The following CFAP53 variants were observed in gnomAD, a reference collection of about 807,000 sequenced individuals.
The protein encoded by CFAP53 is cilia- and flagella-associated protein 53.
CFAP53 carries 62 observed loss-of-function variants against 59.7 expected under a neutral mutation model. That is an observed-to-expected ratio of 1.04 (90% confidence interval 0.85 to 1.28). The LOEUF (loss-of-function observed/expected upper bound fraction) is 1.28. Among genes scored for constraint, CFAP53 ranks in the 50% most tolerant of loss-of-function variants. CFAP53 has a pLI of 0.00. For synonymous variants in CFAP53, 218 were observed against 205.7 expected (o/e 1.06, Z -0.51); for missense variants, 629 against 615.6 (o/e 1.02, Z -0.23).
intron 5 of CFAP53, among the ~76,000 whole-genome samples, chr18:50,249,374 T>C (rs2033776605): frequency 6.6e-6 from 1 of 151,568 alleles, no homozygotes; most frequent in South Asian, 2.1e-4. Flanking sequence ...GAAAACTAGC[T>C]GAGCATGGTG....
At chr18:50,239,360 T>C (rs932862412) in intron 6 of CFAP53, among the ~76,000 whole-genome samples, 10 of 151,564 alleles carry the variant, frequency 6.6e-5, no homozygotes, top group Admixed American at 2.6e-4. Flanking sequence ...TCTCAATAAA[T>C]AAATAAATAA....
chr18:50,229,010 C>T (rs1054141804), intron 7 of CFAP53, among the ~76,000 whole-genome samples: 1 of 151,988 alleles, frequency 6.6e-6, no homozygotes, highest in Non-Finnish European at 1.5e-5. Flanking sequence ...ATTTTCTGAG[C>T]CCAGAAGGTT....
intron 1 of CFAP53, among the ~76,000 whole-genome samples, chr18:50,262,486 T>A (rs189425469): frequency 6.6e-6 from 1 of 152,316 alleles, no homozygotes; most frequent in Admixed American, 6.5e-5. Flanking sequence ...AAGTTAAAAA[T>A]GTGAACAGGA....
chr18:50,241,675 G>GT (rs1172076146), intron 6 of CFAP53, among the ~76,000 whole-genome samples: 2 of 151,880 alleles, frequency 1.3e-5, no homozygotes, highest in Non-Finnish European at 2.9e-5. Flanking sequence ...AAACCAGCAA[G>GT]TTTTTTTTTA....
At chr18:50,243,727 G>A (rs948169904) in intron 5 of CFAP53, among the ~76,000 whole-genome samples, 3 of 152,068 alleles carry the variant, frequency 2.0e-5, no homozygotes, top group South Asian at 4.1e-4. Context: ...CGAGGCGGGT[G>A]GATCACGAGG....
chr18:50,248,771 C>A (rs1435496767), intron 5 of CFAP53, among the ~76,000 whole-genome samples: 1 of 121,814 alleles, frequency 8.2e-6, no homozygotes, highest in Non-Finnish European at 1.7e-5. Flanking sequence ...GGTGACAGAG[C>A]AAGACTCCGC....
chr18:50,250,213 CT>C lies in CFAP53; in HGVS notation c.996+544del, dbSNP rs1224880180. Among the ~76,000 whole-genome samples, 6 of 85,150 alleles carry C rather than the reference CT, an allele frequency of 7.0e-5. No homozygotes were observed. In the South Asian group the frequency reaches 2.7e-3, roughly 38 times the overall value. The allele number at this position is 85,150 out of a possible 152,430, so 55.9% of individuals were successfully genotyped here. Reference sequence around the variant, plus strand: ...CAGCCTGGGTTACAGCGTGAGACCCCTGTCTCAAAAAAAAAAAAAAAAAAGA... The same window carrying C: ...CAGCCTGGGTTACAGCGTGAGACCCCGTCTCAAAAAAAAAAAAAAAAAAGA... On this transcript the variant is annotated intron_variant, in intron 5 of 7. Transcript: ENST00000398545.
chr18:50,260,062 A>G (rs2033877079), intron 3 of CFAP53, among the ~76,000 whole-genome samples: 1 of 152,230 alleles, frequency 6.6e-6, no homozygotes, highest in Non-Finnish European at 1.5e-5. Context: ...TTCTGATTAT[A>G]TAACACTATA....
chr18:50,244,036 C>T (rs961949137), intron 5 of CFAP53, among the ~76,000 whole-genome samples: 4 of 152,150 alleles, frequency 2.6e-5, no homozygotes, highest in African/African-American at 7.2e-5. Context: ...TTTTACGTTC[C>T]CCCAGGTGAT....
chr18:50,227,360 G>C lies in CFAP53; in HGVS notation c.*21C>G, dbSNP rs773468445. On this transcript the variant is annotated 3_prime_UTR_variant, in exon 8 of 8. Transcript: ENST00000398545. The stretch of plus-strand genomic sequence containing the variant: ...TAAAAATATTAAAAGACCAAGAAAA[G>C]ATATATTGATGCTCACGGAACTACG... 5.1e-6 allele frequency: 8 copies of C among 1,578,564 alleles called. No individual in the cohort carries two copies. The highest frequency in any genetic ancestry group is 6.1e-6 in the Non-Finnish European group (7 of 1,148,816).
chr18:50,245,475 T>C (rs1019025004), intron 5 of CFAP53, among the ~76,000 whole-genome samples: 1 of 152,134 alleles, frequency 6.6e-6, no homozygotes, highest in Non-Finnish European at 1.5e-5. Context: ...TGTATTCCTA[T>C]TTGACAGCAT....
intron 5 of CFAP53, among the ~76,000 whole-genome samples, chr18:50,250,219 CA>C (rs58912526): frequency 0.4 from 47,089 of 117,314 alleles, 8,134 homozygotes; most frequent in Non-Finnish European, 0.44. Context: ...ACCCCTGTCT[CA>C]AAAAAAAAAA....
At chr18:50,258,418 T>C (rs2033863530) in intron 3 of CFAP53, among the ~76,000 whole-genome samples, 1 of 152,076 alleles carries the variant, frequency 6.6e-6, no homozygotes, top group African/African-American at 2.4e-5. Flanking sequence ...AGAATGAAAA[T>C]AGACCCTATC....
intron 7 of CFAP53, among the ~76,000 whole-genome samples, chr18:50,235,503 G>A (rs1482093409): frequency 1.3e-5 from 2 of 152,214 alleles, no homozygotes; most frequent in Admixed American, 6.5e-5. Flanking sequence ...GGGAGGCAGA[G>A]GTTGCAGTGA....
At chr18:50,245,062 CAAAAA>C (rs11358725) in intron 5 of CFAP53, among the ~76,000 whole-genome samples, 1 of 81,678 alleles carries the variant, frequency 1.2e-5, no homozygotes. Flanking sequence ...GACTCTATCT[CAAAAA>C]AAAAAAAAAA....
At chr18:50,239,790 A>C (rs374836314) in intron 6 of CFAP53, among the ~76,000 whole-genome samples, 1 of 152,216 alleles carries the variant, frequency 6.6e-6, no homozygotes, top group African/African-American at 2.4e-5. Flanking sequence ...TGTGAAAGAA[A>C]ATTATATATG....
At position 50,261,202 on chromosome 18, in the gene CFAP53, T is replaced by C. The variant is rs200799108; in HGVS notation, c.335A>G (p.Tyr112Cys). The C allele has an allele frequency of 1.9e-5, 29 of 1,547,342 alleles. No homozygotes were observed. The highest frequency in any genetic ancestry group is 2.3e-5 in the Non-Finnish European group (27 of 1,158,814). The change falls in exon 3 of 8, where the codon TAT (tyrosine) becomes TGT (cysteine). Residue 112 changes from tyrosine to cysteine, a missense_variant. Transcript: ENST00000398545. ...TTTCTTCAATTGCATTTCTGTAAAA[T>C]ACTCATTTTCTTCTAATGCTAAAAG... ...RELLALEENE[Y>C]FTEMQLKKET...
chr18:50,265,855 G>C (rs1178633040), intron 1 of CFAP53, among the ~76,000 whole-genome samples: 1 of 152,160 alleles, frequency 6.6e-6, no homozygotes, highest in Non-Finnish European at 1.5e-5. Context: ...CACAGGAAAG[G>C]CGTTGGGTGC....
At chr18:50,230,707 G>C (rs2033574990) in intron 7 of CFAP53, among the ~76,000 whole-genome samples, 1 of 152,154 alleles carries the variant, frequency 6.6e-6, no homozygotes, top group Non-Finnish European at 1.5e-5. Flanking sequence ...ACCCTGAGGG[G>C]TCTATACTAA....
Sources: gnomAD v4.1 joint callset for allele counts (sites outside exome capture counted in the v4.1 genomes callset) on GRCh38, gnomAD v4.1.1 for gene constraint, MANE v1.5 for transcripts, NCBI Gene and HGNC (gene_info 2026-07-23, HGNC 2026-07-21) for gene names.